The following CA10 variants were observed in gnomAD, a reference collection of about 807,000 sequenced individuals.
The protein encoded by CA10 is carbonic anhydrase 10 (inactive).
Under a neutral mutation model 44.2 loss-of-function variants are expected in CA10, and 14 were observed. That is an observed-to-expected ratio of 0.32 (90% CI 0.21 to 0.50). CA10 has a LOEUF of 0.50. CA10 is among the 20% of genes least tolerant of loss of function. The pLI is 0.99. For missense variants in CA10, 350 were observed against 409.7 expected (o/e 0.85, Z 1.26); for synonymous variants, 159 against 141.6 (o/e 1.12, Z -0.87).
chr17:51,818,635 TTC>T (rs1353303768), intron 3 of CA10, among the ~76,000 whole-genome samples: 1 of 150,460 alleles, frequency 6.6e-6, no homozygotes, highest in Non-Finnish European at 1.5e-5. Context: ...GTGATGATGG[TTC>T]TCTGAGTGCA....
intron 1 of CA10, among the ~76,000 whole-genome samples, chr17:52,108,022 T>C (rs1988696761): frequency 1.3e-5 from 2 of 151,904 alleles, no homozygotes; most frequent in Admixed American, 1.3e-4. Context: ...AAGGAATTTG[T>C]TTTTAAAAAT....
At chr17:51,981,545 G>A (rs1984653899) in intron 2 of CA10, among the ~76,000 whole-genome samples, 1 of 151,884 alleles carries the variant, frequency 6.6e-6, no homozygotes, top group African/African-American at 2.4e-5. Flanking sequence ...AGGATCCAAG[G>A]AAATTCCCTG....
chr17:51,839,500 CAAAAAAAAAAAAAAAA>C (rs34200978), intron 3 of CA10, among the ~76,000 whole-genome samples: 3 of 36,286 alleles, frequency 8.3e-5, no homozygotes, highest in African/African-American at 3.8e-4. Context: ...GACTCCTTCT[CAAAAAAAAAAAAAAAA>C]AAAAAAAAAA....
intron 4 of CA10, among the ~76,000 whole-genome samples, chr17:51,706,343 T>C (rs1915761868): frequency 6.6e-6 from 1 of 152,250 alleles, no homozygotes; most frequent in African/African-American, 2.4e-5. Flanking sequence ...TGAGCTCTCA[T>C]GGAAACTGTA....
chr17:51,797,365 C>G (rs994523850), intron 3 of CA10, among the ~76,000 whole-genome samples: 1 of 152,180 alleles, frequency 6.6e-6, no homozygotes, highest in South Asian at 2.1e-4. Flanking sequence ...CACGCGTGCA[C>G]GCACACACGC....
In CA10 at chr17:51,901,455, G is replaced by A. The variant is rs117947504; in HGVS notation, c.279+29535C>T. Among the ~76,000 whole-genome samples the A allele has an allele frequency of 6.6e-5, 10 of 152,124 alleles. No homozygotes were observed. In the East Asian group the frequency reaches 1.7e-3, roughly 27 times the overall value. On this transcript the variant is annotated intron_variant, in intron 3 of 8. Coordinates refer to ENST00000451037, the MANE Select transcript of CA10 (RefSeq NM_020178.5). ...GGGTGCCAGCCAAAGTGTTTTGTTG[G>A]GGCAGTGGCCATGGGATCTGTGCTC...
At chr17:51,639,906 G>A (rs1196964199) in intron 6 of CA10, among the ~76,000 whole-genome samples, 1 of 152,154 alleles carries the variant, frequency 6.6e-6, no homozygotes, top group Non-Finnish European at 1.5e-5. Context: ...GTTGTTTGAG[G>A]AATAAACAGG....
At chr17:51,698,421 C>G (rs1053151243) in intron 4 of CA10, among the ~76,000 whole-genome samples, 1 of 152,114 alleles carries the variant, frequency 6.6e-6, no homozygotes, top group African/African-American at 2.4e-5. Flanking sequence ...TTTCTTCCTG[C>G]TTTACTGAGG....
chr17:51,808,974 T>TCCAC (rs1907248724), intron 3 of CA10, among the ~76,000 whole-genome samples: 1 of 152,192 alleles, frequency 6.6e-6, no homozygotes, highest in South Asian at 2.1e-4. Flanking sequence ...TATTCTGTTT[T>TCCAC]TCAAAGCTAT....
At chr17:51,646,956 C>T (rs752665365) in intron 6 of CA10, among the ~76,000 whole-genome samples, 1 of 152,090 alleles carries the variant, frequency 6.6e-6, no homozygotes, top group Admixed American at 6.6e-5. Flanking sequence ...TATTAGGGGG[C>T]CTAAATCAGC....
chr17:51,779,768 G>T (rs1390657062), intron 3 of CA10, among the ~76,000 whole-genome samples: 1 of 152,192 alleles, frequency 6.6e-6, no homozygotes, highest in Non-Finnish European at 1.5e-5. Flanking sequence ...ATGGATTTAG[G>T]TGAGGAACCT....
chr17:51,783,569 A>G (rs1344548992), intron 3 of CA10, among the ~76,000 whole-genome samples: 1 of 152,134 alleles, frequency 6.6e-6, no homozygotes, highest in Non-Finnish European at 1.5e-5. Context: ...TCTATTCCCT[A>G]TACTGAGGCA....
chr17:52,153,464 A>C (rs778218773), intron 1 of CA10, among the ~76,000 whole-genome samples: 12 of 152,156 alleles, frequency 7.9e-5, no homozygotes, highest in Admixed American at 5.9e-4. Flanking sequence ...CCCCTGGGTA[A>C]TAAGTACTAC....
chr17:52,150,284 C>T (rs1989675677), intron 1 of CA10, among the ~76,000 whole-genome samples: 3 of 152,184 alleles, frequency 2.0e-5, no homozygotes, highest in East Asian at 1.9e-4. Flanking sequence ...TCTACCCCTC[C>T]TACTTTCAGG....
intron 4 of CA10, among the ~76,000 whole-genome samples, chr17:51,678,884 C>T (rs1464659278): frequency 6.6e-6 from 1 of 152,210 alleles, no homozygotes; most frequent in Non-Finnish European, 1.5e-5. Context: ...AAGCCCTCTC[C>T]TTCCCTAATG....
chr17:51,916,096 G>T (rs138115702), intron 3 of CA10, among the ~76,000 whole-genome samples: 1 of 151,736 alleles, frequency 6.6e-6, no homozygotes, highest in Non-Finnish European at 1.5e-5. Context: ...GATTTTGAAC[G>T]TATTTCCAGC....
chr17:52,050,421 G>T (rs1378572790), intron 2 of CA10, among the ~76,000 whole-genome samples: 1 of 151,962 alleles, frequency 6.6e-6, no homozygotes, highest in East Asian at 1.9e-4. Context: ...CTAATTCCAT[G>T]CTTGCCCTTT....
intron 1 of CA10, among the ~76,000 whole-genome samples, chr17:52,124,121 T>C (rs1222709244): frequency 2.0e-5 from 3 of 152,206 alleles, no homozygotes; most frequent in Non-Finnish European, 4.4e-5. Flanking sequence ...TTCACTATGG[T>C]GCTCCATCCT....
intron 1 of CA10, among the ~76,000 whole-genome samples, chr17:52,155,995 T>A (rs1257101724): frequency 2.0e-5 from 3 of 152,092 alleles, no homozygotes; most frequent in Non-Finnish European, 4.4e-5. Context: ...TTCCCCTCGG[T>A]GATTGCCTGG....
Sources: gnomAD v4.1 joint callset for allele counts (sites outside exome capture counted in the v4.1 genomes callset) on GRCh38, gnomAD v4.1.1 for gene constraint, MANE v1.5 for transcripts, NCBI Gene and HGNC (gene_info 2026-07-23, HGNC 2026-07-21) for gene names.